MYT1L: variants seen among roughly 807,000 people sequenced by gnomAD.
MYT1L encodes the protein myelin transcription factor 1-like protein.
MYT1L carries 12 observed loss-of-function variants against 126.7 expected under a neutral mutation model. The ratio of observed to expected loss-of-function variants is 0.09; its 90% CI spans 0.06 to 0.15. The LOEUF is 0.15. Among genes scored for constraint, MYT1L ranks in the 10% least tolerant of loss-of-function variants. MYT1L has a pLI of 1.00. For missense variants in MYT1L, 979 were observed against 1,585.2 expected (o/e 0.62, Z 6.49); for synonymous variants, 541 against 604.2 (o/e 0.90, Z 1.53).
intron 2 of MYT1L, among the ~76,000 whole-genome samples, chr2:2,284,180 GAA>G (rs1238017105): frequency 1.3e-5 from 2 of 152,138 alleles, no homozygotes; most frequent in African/African-American, 4.8e-5. Context: ...AAAGATATAA[GAA>G]AAAGTCATAG....
intron 18 of MYT1L, among the ~76,000 whole-genome samples, chr2:1,882,019 TG>T: frequency 6.6e-6 from 1 of 152,188 alleles, no homozygotes; most frequent in Non-Finnish European, 1.5e-5. Flanking sequence ...ACATCTCAAC[TG>T]GGCAGTCCAA....
intron 2 of MYT1L, among the ~76,000 whole-genome samples, chr2:2,226,577 A>G: frequency 6.6e-6 from 1 of 152,074 alleles, no homozygotes; most frequent in East Asian, 1.9e-4. Flanking sequence ...ACACACCCAG[A>G]CCATTCTGCC....
intron 2 of MYT1L, among the ~76,000 whole-genome samples, chr2:2,197,472 G>C (rs1337478623): frequency 6.6e-6 from 1 of 152,054 alleles, no homozygotes; most frequent in Non-Finnish European, 1.5e-5. Flanking sequence ...TCTATCTGCA[G>C]GTGTATATAC....
At chr2:1,963,990 C>G (rs561046586) in intron 8 of MYT1L, among the ~76,000 whole-genome samples, 16 of 152,172 alleles carry the variant, frequency 1.1e-4, no homozygotes, top group Admixed American at 2.0e-4. Flanking sequence ...AACTTTTGGC[C>G]AATATTGGCT....
rs2031626582 is a variant in MYT1L, at chr2:1,789,360, A to C, written c.*2507T>G. ...ATAGTTTATACAAAATTCTGTCTTA[A>C]TAAATGATTACTTAAATTAACTTAG... On this transcript the variant is annotated 3_prime_UTR_variant, in exon 25 of 25. Coordinates refer to ENST00000647738, the MANE Select transcript of MYT1L (RefSeq NM_001303052.2). 1 of 152,258 alleles carries C rather than the reference A, an allele frequency of 6.6e-6. No individual in the cohort carries two copies. Among genetic ancestry groups the C allele is most frequent in the Non-Finnish European group, 1.5e-5 (1 of 68,044 alleles). The allele number at this position is 152,258 out of a possible 1,614,324, so 9.4% of individuals were successfully genotyped here. A position where few individuals can be genotyped will look rare whatever the true frequency, so the allele number is the denominator to read the frequency against.
intron 13 of MYT1L, among the ~76,000 whole-genome samples, chr2:1,904,524 A>C (rs932832133): frequency 6.7e-5 from 10 of 149,652 alleles, no homozygotes; most frequent in African/African-American, 2.5e-4. Flanking sequence ...GTGCACCACC[A>C]CACCTGGCTA....
At chr2:1,866,653 GAGAGAGA>G (rs2045557118) in intron 18 of MYT1L, among the ~76,000 whole-genome samples, 2 of 62,672 alleles carry the variant, frequency 3.2e-5, no homozygotes, top group South Asian at 5.2e-4. Flanking sequence ...GAGAGAGACA[GAGAGAGA>G]GGGAGAGGGA....
intron 1 of MYT1L, among the ~76,000 whole-genome samples, chr2:2,296,380 G>GA (rs1237685108): frequency 2.0e-5 from 3 of 151,908 alleles, no homozygotes; most frequent in Admixed American, 1.3e-4. Flanking sequence ...TTTTTTAAGA[G>GA]AAAAAATGTG....
intron 3 of MYT1L, among the ~76,000 whole-genome samples, chr2:2,054,784 A>G (rs898906199): frequency 6.6e-6 from 1 of 152,070 alleles, no homozygotes; most frequent in Non-Finnish European, 1.5e-5. Context: ...ATGCATGAAG[A>G]TGAGACACAA....
chr2:1,867,653 G>A (rs913983372), intron 18 of MYT1L, among the ~76,000 whole-genome samples: 6 of 152,162 alleles, frequency 3.9e-5, no homozygotes, highest in Admixed American at 1.3e-4. Context: ...GGCGCTCTCT[G>A]GCTCTCCTCC....
chr2:2,069,865 G>A (rs751487362), intron 3 of MYT1L, among the ~76,000 whole-genome samples: 57 of 147,120 alleles, frequency 3.9e-4, no homozygotes, highest in Middle Eastern at 3.4e-3. Flanking sequence ...CTGCATAAAT[G>A]TCTTCTTTTG....
Position 2,004,353 on chromosome 2 carries a change from G to A in MYT1L, c.-157-7006C>T, listed in dbSNP as rs190992636. 8.9e-3 allele frequency among the ~76,000 whole-genome samples: 1,042 copies of A among 116,966 alleles called. 25 individuals carry two copies. Among genetic ancestry groups the A allele is most frequent in the East Asian group, 0.035 (91 of 2,614 alleles). 76.7% of individuals were successfully genotyped at this position (116,966 alleles called of 152,430 possible). A position where few individuals can be genotyped will look rare whatever the true frequency, so the allele number is the denominator to read the frequency against. On this transcript the variant is annotated intron_variant, in intron 4 of 24. Transcript: ENST00000647738. ...TTCCTGCATACGTTCTTTCCTGCGT[G>A]CCTTCTTTCCTGTGTGCCTTCTTTC...
chr2:1,950,074 T>C (rs2057605666), intron 8 of MYT1L, among the ~76,000 whole-genome samples: 1 of 152,170 alleles, frequency 6.6e-6, no homozygotes, highest in African/African-American at 2.4e-5. Context: ...CACAAATTCA[T>C]TAAACCCTCT....
At chr2:2,031,510 T>C (rs1248314802) in intron 4 of MYT1L, among the ~76,000 whole-genome samples, 2 of 147,440 alleles carry the variant, frequency 1.4e-5, no homozygotes, top group African/African-American at 2.5e-5. Context: ...AGGAGGGCCT[T>C]ATACACACCC....
intron 4 of MYT1L, among the ~76,000 whole-genome samples, chr2:2,011,200 C>A (rs1214239405): frequency 6.6e-6 from 1 of 152,064 alleles, no homozygotes; most frequent in Admixed American, 6.5e-5. Context: ...ACCAGCCTGG[C>A]CAACACGGCA....
chr2:1,964,745 C>T (rs2059210028), intron 8 of MYT1L, among the ~76,000 whole-genome samples: 1 of 152,146 alleles, frequency 6.6e-6, no homozygotes, highest in African/African-American at 2.4e-5. Flanking sequence ...AAAGAGTGAT[C>T]CTCAGAGCCC....
intron 1 of MYT1L, among the ~76,000 whole-genome samples, chr2:2,298,625 T>G (rs2095735674): frequency 6.6e-6 from 1 of 152,200 alleles, no homozygotes; most frequent in South Asian, 2.1e-4. Context: ...ACACCTGAGT[T>G]CTGGGAGGAG....
chr2:2,019,660 A>G (rs911796899), intron 4 of MYT1L, among the ~76,000 whole-genome samples: 1 of 152,176 alleles, frequency 6.6e-6, no homozygotes, highest in East Asian at 1.9e-4. Context: ...AGTTTTTTCT[A>G]TATTTGCTCT....
At chr2:2,069,551 T>C (rs577869588) in intron 3 of MYT1L, among the ~76,000 whole-genome samples, 1 of 152,284 alleles carries the variant, frequency 6.6e-6, no homozygotes, top group South Asian at 2.1e-4. Context: ...TGTGTCTTTA[T>C]AGTAGAATGA....
Sources: gnomAD v4.1 joint callset for allele counts (sites outside exome capture counted in the v4.1 genomes callset) on GRCh38, gnomAD v4.1.1 for gene constraint, MANE v1.5 for transcripts, NCBI Gene and HGNC (gene_info 2026-07-23, HGNC 2026-07-21) for gene names.